The following DMD variants were observed in gnomAD, a reference collection of about 807,000 sequenced individuals.
The protein encoded by DMD is dystrophin.
Under a neutral mutation model 330.1 loss-of-function variants are expected in DMD, and 63 were observed. The observed-to-expected ratio is 0.19, with a 90% CI of 0.16 to 0.24. The LOEUF (loss-of-function observed/expected upper bound fraction) is 0.24. DMD is among the 10% of genes least tolerant of loss of function. The probability of loss-of-function intolerance (pLI) is 1.00; values close to 1 mark genes in which losing one functional copy is unlikely to be tolerated. For missense variants in DMD, 3,344 were observed against 2,684.1 expected (o/e 1.25, Z -5.43); for synonymous variants, 1,223 against 959.8 (o/e 1.27, Z -5.07).
intron 1 of DMD, among the ~76,000 whole-genome samples, chrX:33,148,721 G>A (rs964976814): frequency 8.9e-6 from 1 of 111,747 alleles, no homozygotes; most frequent in East Asian, 2.8e-4. Context: ...TATTTTAATG[G>A]ATCTCCATTT....
intron 49 of DMD, among the ~76,000 whole-genome samples, chrX:31,826,442 G>A (rs1451305974): frequency 8.9e-6 from 1 of 112,378 alleles, no homozygotes; most frequent in Non-Finnish European, 1.9e-5. Flanking sequence ...TTGGTGTACT[G>A]TAGAGTTGAA....
chrX:33,193,355 A>T (rs1489745941), intron 1 of DMD, among the ~76,000 whole-genome samples: 1 of 111,877 alleles, frequency 8.9e-6, no homozygotes, highest in Non-Finnish European at 1.9e-5. Context: ...TTCTCACTCC[A>T]TTTTTCTCCA....
At position 33,041,296 on chromosome X, in the gene DMD, C is replaced by A. The variant is rs937041323; in HGVS notation, c.32-21096G>T. ...TAAGTGGCCGCGCAGCCTGCGCATG[C>A]GCGCCGGCGACCAAGCCTAAATAGC... On this transcript the variant is annotated intron_variant, in intron 1 of 78. Transcript: ENST00000357033. 54 of 900,982 alleles carry A rather than the reference C, an allele frequency of 6.0e-5. 1 individual carries two copies. The East Asian group carries it at 1.8e-3, about 30-fold the overall frequency. The allele number at this position is 900,982 out of a possible 1,213,427, so 74.3% of individuals were successfully genotyped here.
At chrX:32,418,521 C>A (rs1283167637) in intron 29 of DMD, among the ~76,000 whole-genome samples, 1 of 111,233 alleles carries the variant, frequency 9.0e-6, no homozygotes, top group Non-Finnish European at 1.9e-5. Context: ...TATAAATAAT[C>A]CACGTGAAAA....
chrX:32,315,519 A>T (rs970722407), intron 41 of DMD, among the ~76,000 whole-genome samples: 1 of 110,776 alleles, frequency 9.0e-6, no homozygotes, highest in Non-Finnish European at 1.9e-5. Context: ...ATAATTAAAA[A>T]AAAAAAGAAA....
chrX:33,019,263 A>C (rs1019573611), intron 2 of DMD, among the ~76,000 whole-genome samples: 2 of 111,542 alleles, frequency 1.8e-5, no homozygotes, highest in African/African-American at 6.5e-5. Flanking sequence ...CATTACAATA[A>C]GAAACAAAAT....
chrX:31,449,763 GATATATATATATATAT>G (rs59787771), intron 59 of DMD, among the ~76,000 whole-genome samples: 6 of 62,469 alleles, frequency 9.6e-5, no homozygotes, highest in East Asian at 4.6e-4. Context: ...TAAATGGTGT[GATATATATATATATAT>G]ATATATATAT....
intron 32 of DMD, among the ~76,000 whole-genome samples, chrX:32,388,441 C>A (rs747325954): frequency 2.0e-4 from 20 of 100,350 alleles, no homozygotes; most frequent in Non-Finnish European, 3.6e-4. Context: ...CATTTCTATT[C>A]CAAGTTTCTT....
intron 6 of DMD, among the ~76,000 whole-genome samples, chrX:32,809,931 AAAAAAAAAAAAAAAAGAAAGAAAG>A (rs1206334652): frequency 2.2e-5 from 2 of 92,728 alleles, no homozygotes; most frequent in Non-Finnish European, 4.2e-5. Context: ...AAAAAAAAAA[AAAAAAAAAAAAAAAAGAAAGAAAG>A]AAAGAAAGAA....
intron 1 of DMD, among the ~76,000 whole-genome samples, chrX:33,129,781 A>G (rs765793561): frequency 9.0e-6 from 1 of 111,679 alleles, no homozygotes; most frequent in East Asian, 2.8e-4. Context: ...ACCTTGTAGC[A>G]TGAGTATAAT....
chrX:33,253,421 T>C (rs1032870449), intron 1 of DMD, among the ~76,000 whole-genome samples: 1 of 111,817 alleles, frequency 8.9e-6, no homozygotes, highest in African/African-American at 3.2e-5. Flanking sequence ...AAAGACAAGC[T>C]GTATAGAATT....
rs886043989 is a variant in DMD at position 31,209,497 on chromosome X, C to T, written c.9563+1G>A. On this transcript the variant is annotated splice_donor_variant, in intron 65 of 78. Coordinates refer to ENST00000357033, the MANE Select transcript of DMD (RefSeq NM_004006.3). LOFTEE classifies it high-confidence loss of function. ...GGGAAATAAAAACATGCCATACGTA[C>T]GTATCATAAACATTCAGCAGCCAGT... is the stretch of plus-strand genomic sequence containing the variant. The T allele has an allele frequency of 8.3e-7, 1 of 1,209,711 alleles. No homozygotes were observed.
intron 21 of DMD, among the ~76,000 whole-genome samples, chrX:32,476,239 A>T (rs1263480357): frequency 9.0e-6 from 1 of 111,349 alleles, no homozygotes; most frequent in Non-Finnish European, 1.9e-5. Context: ...TGAATTATTG[A>T]TCTTTTTCTG....
At chrX:32,124,980 CA>C (rs1212790022) in intron 44 of DMD, among the ~76,000 whole-genome samples, 1 of 96,617 alleles carries the variant, frequency 1.0e-5, no homozygotes, top group Non-Finnish European at 2.1e-5. Context: ...AAAAAAAAAA[CA>C]AAGTTAGTGT....
chrX:32,543,758 C>G (rs758396521), intron 17 of DMD, among the ~76,000 whole-genome samples: 19 of 111,641 alleles, frequency 1.7e-4, no homozygotes, highest in African/African-American at 5.9e-4. Context: ...AAAAAGAATG[C>G]TAATATTCAT....
intron 48 of DMD, among the ~76,000 whole-genome samples, chrX:31,857,380 GAAAAAAAAAAAAAAAAAA>G (rs57685055): frequency 8.2e-5 from 3 of 36,786 alleles, no homozygotes; most frequent in African/African-American, 2.3e-4. Flanking sequence ...CTCCACCTCG[GAAAAAAAAAAAAAAAAAA>G]AAAAAAAAAA....
At chrX:32,570,634 G>C (rs2052310611) in intron 15 of DMD, among the ~76,000 whole-genome samples, 1 of 111,634 alleles carries the variant, frequency 9.0e-6, no homozygotes, top group South Asian at 3.8e-4. Flanking sequence ...CTGGACCTGA[G>C]TCTGGATGTC....
chrX:32,608,929 A>G (rs1238492839), intron 12 of DMD, among the ~76,000 whole-genome samples: 2 of 111,041 alleles, frequency 1.8e-5, no homozygotes, highest in Non-Finnish European at 3.8e-5. Context: ...CTTGCTAAAT[A>G]TGAGAGTGAG....
intron 56 of DMD, among the ~76,000 whole-genome samples, chrX:31,506,871 AAAG>A (rs1462404869): frequency 8.9e-6 from 1 of 112,219 alleles, no homozygotes; most frequent in Non-Finnish European, 1.9e-5. Flanking sequence ...AATGTGTTAT[AAAG>A]GGTTTTAAAG....
Sources: allele counts gnomAD v4.1 joint callset (sites outside exome capture counted in the v4.1 genomes callset), GRCh38; gene constraint gnomAD v4.1.1; transcripts MANE v1.5; gene names NCBI Gene and HGNC (gene_info 2026-07-23, HGNC 2026-07-21).